Variants in FANCD2 observed in about 807,000 individuals in gnomAD.
FANCD2 encodes FA complementation group D2, also known as Fanconi anemia group D2 protein.
A neutral mutation model predicts 192.3 loss-of-function variants in FANCD2; 131 were observed. That is an observed-to-expected ratio of 0.68 (90% CI 0.59 to 0.79). The LOEUF (loss-of-function observed/expected upper bound fraction) is 0.79. Ranked by LOEUF, FANCD2 falls within the 30% of genes least tolerant of loss-of-function variation. The probability of loss-of-function intolerance (pLI) is 0.00; values close to 1 mark genes in which losing one functional copy is unlikely to be tolerated. For synonymous variants in FANCD2, 524 were observed against 612.5 expected (o/e 0.86, Z 2.13); for missense variants, 1,508 against 1,701.6 (o/e 0.89, Z 2.00).
Position 10,043,091 on chromosome 3 carries a change from TGTTTTGCCATCACG to T in FANCD2, c.934_947del (p.Leu312ThrfsTer10), listed in dbSNP as rs774862452. 1 of 1,614,114 alleles carries T rather than the reference TGTTTTGCCATCACG, an allele frequency of 6.2e-7. No individual in the cohort carries two copies. The highest frequency in any genetic ancestry group is 1.1e-5 in the South Asian group (1 of 91,082). On this transcript the variant is annotated frameshift_variant, in exon 12 of 44. Coordinates refer to ENST00000675286, the MANE Select transcript of FANCD2 (RefSeq NM_001018115.3). LOFTEE classifies it high-confidence loss of function. ...GGGAGAAGTTGGATCTGCAGCATTG[TGTTTTGCCATCACG>T]GTTACAGGCTTCCCAAGTAAAGTTG...
rs754665005 is a variant in FANCD2 at position 10,067,326 on chromosome 3, A to G, written c.2494+9A>G. On this transcript the variant is annotated intron_variant, in intron 26 of 43. Coordinates refer to ENST00000675286, the MANE Select transcript of FANCD2 (RefSeq NM_001018115.3). ...GGAAAAGTACTTGGCAGGTAAGAGAAGTGTCCTATACTGGTAGTACTACTA... is the reference window on the plus strand; with the variant it reads ...GGAAAAGTACTTGGCAGGTAAGAGAGGTGTCCTATACTGGTAGTACTACTA... 46 of 1,540,874 alleles carry G rather than the reference A, an allele frequency of 3.0e-5. No individual in the cohort carries two copies. The highest frequency in any genetic ancestry group is 3.9e-5 in the Non-Finnish European group (43 of 1,114,606).
chr3:10,075,373 G>A (rs532351689), intron 29 of FANCD2, among the ~76,000 whole-genome samples: 5 of 152,194 alleles, frequency 3.3e-5, no homozygotes, highest in Admixed American at 2.0e-4. Flanking sequence ...TTTTTATAGA[G>A]ACAGGGTTTC....
chr3:10,063,139 A>ATTT (rs1384648820), intron 20 of FANCD2, among the ~76,000 whole-genome samples: 1 of 152,236 alleles, frequency 6.6e-6, no homozygotes, highest in East Asian at 1.9e-4. Context: ...AAAGTGGGAC[A>ATTT]TAAAGCTAGT....
At chr3:10,068,699 G>A (rs1303941371) in intron 26 of FANCD2, among the ~76,000 whole-genome samples, 5 of 150,146 alleles carry the variant, frequency 3.3e-5, no homozygotes, top group East Asian at 1.9e-4. Flanking sequence ...GCTGTCCTGA[G>A]TAAAATGAAT....
At chr3:10,043,246 G>T (rs2086910531) in intron 12 of FANCD2, 96 bp downstream of exon 12, 4 of 903,604 alleles carry the variant, frequency 4.4e-6, no homozygotes, top group South Asian at 4.1e-5. Flanking sequence ...ATACTATTAT[G>T]ACATTTACAT....
chr3:10,028,064 A>G (rs1427100396), intron 1 of FANCD2, among the ~76,000 whole-genome samples: 2 of 151,964 alleles, frequency 1.3e-5, no homozygotes, highest in East Asian at 3.9e-4. Flanking sequence ...AAAAAAAAAA[A>G]AAAAATTCAA....
chr3:10,080,450 A>G (rs1693773039), intron 30 of FANCD2, among the ~76,000 whole-genome samples: 1 of 152,206 alleles, frequency 6.6e-6, no homozygotes, highest in African/African-American at 2.4e-5. Context: ...CCAGGCTTCT[A>G]CATTTTTTTG....
At chr3:10,053,051 T>G (rs1322930661) in intron 18 of FANCD2, among the ~76,000 whole-genome samples, 1 of 124,848 alleles carries the variant, frequency 8.0e-6, no homozygotes, top group Non-Finnish European at 1.8e-5. Context: ...GGACTATAAA[T>G]CATGCTGCTA....
Position 10,093,100 on chromosome 3 carries a change from CT to C in FANCD2, c.3850-181del, listed in dbSNP as rs562880198. On this transcript the variant is annotated intron_variant, in intron 38 of 43. Coordinates refer to ENST00000675286, the MANE Select transcript of FANCD2 (RefSeq NM_001018115.3). ...TTTATTTCTCTTTGCTCGTCTCTTCCTTTTCTTGAACTTCAGTTGTGATAAT... is the reference window on the plus strand; with the variant it reads ...TTTATTTCTCTTTGCTCGTCTCTTCCTTTCTTGAACTTCAGTTGTGATAAT... Among the ~76,000 whole-genome samples the C allele has an allele frequency of 1.6e-3, 242 of 152,296 alleles. 3 individuals are homozygous for C. The highest frequency in any genetic ancestry group is 0.011 in the Admixed American group (170 of 15,292).
At chr3:10,031,272 G>A (rs946861644) in intron 2 of FANCD2, among the ~76,000 whole-genome samples, 11 of 152,172 alleles carry the variant, frequency 7.2e-5, no homozygotes, top group Admixed American at 2.6e-4. Flanking sequence ...GGGTGGCCAA[G>A]GCGGGCAGAT....
rs2125035300 is a variant in FANCD2, at chr3:10,064,816, G to A, written c.2109G>A (p.Leu703=). The A allele has an allele frequency of 6.2e-7, 1 of 1,614,008 alleles. No homozygotes were observed. Among genetic ancestry groups the A allele is most frequent in the East Asian group, 2.2e-5 (1 of 44,886 alleles). ...TTGCCATAAACCTCCTGCCGCTGCT[G>A]TTTTCTCAGGACTTTGCAAAAGATG... ...DGIAINLLPL[L]FSQDFAKDGG... Residue 703 remains leucine, a synonymous_variant, in exon 23 of 44, where the codon CTG becomes CTA. Coordinates refer to ENST00000675286, the MANE Select transcript of FANCD2 (RefSeq NM_001018115.3).
At chr3:10,085,526 G>A (rs1230349763) in intron 32 of FANCD2, among the ~76,000 whole-genome samples, 2 of 151,742 alleles carry the variant, frequency 1.3e-5, no homozygotes, top group African/African-American at 4.8e-5. Context: ...GGAGTAGCTG[G>A]GACTACAGGT....
At chr3:10,036,055 G>C (rs1330485276) in intron 6 of FANCD2, among the ~76,000 whole-genome samples, 1 of 147,568 alleles carries the variant, frequency 6.8e-6, no homozygotes, top group Non-Finnish European at 1.5e-5. Flanking sequence ...TTTATTCCAG[G>C]AGCTCTAGTT....
chr3:10,063,420 G>C (rs2087623348), intron 20 of FANCD2, among the ~76,000 whole-genome samples: 1 of 152,192 alleles, frequency 6.6e-6, no homozygotes, highest in African/African-American at 2.4e-5. Flanking sequence ...CTGGACGACA[G>C]AGCAAGGCTC....
intron 18 of FANCD2, among the ~76,000 whole-genome samples, chr3:10,054,411 G>A (rs148300677): frequency 1.0e-3 from 69 of 66,842 alleles, no homozygotes; most frequent in African/African-American, 6.1e-3. Flanking sequence ...ATGTATATAC[G>A]TATATACATA....
At chr3:10,061,959 G>A (rs370845109) in intron 19 of FANCD2, among the ~76,000 whole-genome samples, 192 bp from the exon 20 acceptor site, 4 of 149,218 alleles carry the variant, frequency 2.7e-5, no homozygotes, top group South Asian at 4.4e-4. Flanking sequence ...ATCACACACC[G>A]GGGAATGTTG....
intron 29 of FANCD2, among the ~76,000 whole-genome samples, chr3:10,077,804 A>G (rs1425786815): frequency 2.0e-5 from 3 of 152,104 alleles, no homozygotes; most frequent in African/African-American, 7.2e-5. Context: ...CCAAGGCAGA[A>G]GGATCATCTG....
intron 18 of FANCD2, among the ~76,000 whole-genome samples, chr3:10,058,696 T>C (rs1575781592): frequency 6.6e-6 from 1 of 152,342 alleles, no homozygotes; most frequent in African/African-American, 2.4e-5. Context: ...TTCTATTTCA[T>C]TGGTCTATAC....
chr3:10,039,979 A>T, intron 9 of FANCD2, 134 bp downstream of exon 9: 1 of 863,242 alleles, frequency 1.2e-6, no homozygotes, highest in Non-Finnish European at 1.8e-6. Context: ...TGAGTAGGGT[A>T]TGGGATTTGA....
Sources: allele counts gnomAD v4.1 joint callset (sites outside exome capture counted in the v4.1 genomes callset), GRCh38; gene constraint gnomAD v4.1.1; transcripts MANE v1.5; gene names NCBI Gene and HGNC (gene_info 2026-07-23, HGNC 2026-07-21).